CNIH3: variants seen among roughly 807,000 people sequenced by gnomAD.
CNIH3 encodes protein cornichon homolog 3.
CNIH3 carries 14 observed loss-of-function variants against 24.1 expected under a neutral mutation model. The ratio of observed to expected loss-of-function variants is 0.58; its 90% CI spans 0.38 to 0.91. CNIH3 has a LOEUF of 0.91. Ranked by LOEUF, CNIH3 falls within the 40% of genes least tolerant of loss-of-function variation. The pLI, the probability that CNIH3 is intolerant of heterozygous loss-of-function variation, is 0.00. For missense variants in CNIH3, 178 were observed against 196.8 expected (o/e 0.90, Z 0.57); for synonymous variants, 68 against 73.8 (o/e 0.92, Z 0.40).
chr1:224,732,554 G>A (rs980665297), intron 4 of CNIH3, among the ~76,000 whole-genome samples: 30 of 152,102 alleles, frequency 2.0e-4, no homozygotes, highest in Non-Finnish European at 3.4e-4. Flanking sequence ...TGCTCAGCTC[G>A]GACGTGGCAG....
downstream of CNIH3, among the ~76,000 whole-genome samples, chr1:224,590,272 A>G (rs1681696131): frequency 6.6e-6 from 1 of 152,144 alleles, no homozygotes; most frequent in South Asian, 2.1e-4. Flanking sequence ...CCCAAATTCC[A>G]CTATATGGCT....
intron 1 of CNIH3, among the ~76,000 whole-genome samples, chr1:224,639,006 T>C (rs1319111122): frequency 6.6e-6 from 1 of 152,240 alleles, no homozygotes; most frequent in Non-Finnish European, 1.5e-5. Context: ...TAAGGTGATA[T>C]GTATCTCTTG....
chr1:224,459,538 G>T (rs1200977925), intron 1 of CNIH3, among the ~76,000 whole-genome samples: 1 of 152,020 alleles, frequency 6.6e-6, no homozygotes, highest in Non-Finnish European at 1.5e-5. Flanking sequence ...TTAGAACTTT[G>T]TACACGGAAT....
chr1:224,684,990 G>C lies in CNIH3; in HGVS notation c.198+147G>C, dbSNP rs1028008908. On this transcript the variant is annotated intron_variant, in intron 3 of 5. Coordinates refer to ENST00000272133, the MANE Select transcript of CNIH3 (RefSeq NM_152495.2). The surrounding 1 kb of genome is among the most constrained non-coding windows in gnomAD (Gnocchi z 4.2). ...CAGGGAAAGGGGGAGGTGGGAGCAA[G>C]TGATCAGTTCTTTGGAAACCTCCAG... 29 of 774,318 alleles carry C rather than the reference G, an allele frequency of 3.7e-5. No homozygotes were observed. Among genetic ancestry groups the C allele is most frequent in the Non-Finnish European group, 5.9e-5 (26 of 437,416 alleles). The allele number at this position is 774,318 out of a possible 1,614,324, so 48.0% of individuals were successfully genotyped here. A position where few individuals can be genotyped will look rare whatever the true frequency, so the allele number is the denominator to read the frequency against.
rs1037629733 is a variant in CNIH3 at position 224,629,102 on chromosome 1, G to A, written c.81+11847G>A. Among the ~76,000 whole-genome samples the A allele has an allele frequency of 5.9e-5, 9 of 151,858 alleles. 1 individual carries two copies. The East Asian group carries it at 1.8e-3, about 30-fold the overall frequency. On this transcript the variant is annotated intron_variant, in intron 1 of 5. Coordinates refer to ENST00000272133, the MANE Select transcript of CNIH3 (RefSeq NM_152495.2). The stretch of plus-strand genomic sequence containing the variant: ...GCTCACTGCAACCTCTGCCTCCCGG[G>A]TTCAAGCAATTCTCCTGCCTCAGCC...
In CNIH3 at chr1:224,688,786, G is replaced by A. The variant is rs1363672945; in HGVS notation, c.198+3943G>A. Among the ~76,000 whole-genome samples, 7 of 151,868 alleles carry A rather than the reference G, an allele frequency of 4.6e-5. No homozygotes were observed. In the South Asian group the frequency reaches 6.2e-4, roughly 14 times the overall value. ...TGAAACCCCCACAAATTAGTCGGGC[G>A]TGGTGGTGGGCGCCTGTAATCCCAG... On this transcript the variant is annotated intron_variant, in intron 3 of 5. Transcript: ENST00000272133.
chr1:224,472,341 A>G (rs549275446), intron 1 of CNIH3, among the ~76,000 whole-genome samples: 4 of 152,360 alleles, frequency 2.6e-5, no homozygotes, highest in African/African-American at 7.2e-5. Context: ...ATGCATGTTT[A>G]TAGCAGCACA....
At chr1:224,457,522 T>C (rs974251318) in intron 1 of CNIH3, among the ~76,000 whole-genome samples, 1 of 150,046 alleles carries the variant, frequency 6.7e-6, no homozygotes, top group African/African-American at 2.5e-5. Flanking sequence ...TTTTTTTTTT[T>C]TTTTTTTTTT....
chr1:224,647,072 C>T (rs1042928992), intron 1 of CNIH3, among the ~76,000 whole-genome samples: 1 of 152,082 alleles, frequency 6.6e-6, no homozygotes, highest in African/African-American at 2.4e-5. Context: ...CTGCAACCTC[C>T]ACCTCCTGGG....
chr1:224,457,472 C>T (rs1158506315), intron 1 of CNIH3, among the ~76,000 whole-genome samples: 10 of 149,682 alleles, frequency 6.7e-5, no homozygotes. Flanking sequence ...CTCTAAAGAT[C>T]AAAGGGTACC....
intron 4 of CNIH3, 31 bp downstream of exon 4, chr1:224,730,605 G>A (rs1328422624): frequency 2.0e-5 from 28 of 1,379,032 alleles, no homozygotes; most frequent in Middle Eastern, 1.8e-4. Context: ...TATATCCTTC[G>A]TCTTTTCTGC....
chr1:224,720,890 C>T (rs1324342721), intron 3 of CNIH3, among the ~76,000 whole-genome samples: 1 of 152,150 alleles, frequency 6.6e-6, no homozygotes, highest in Non-Finnish European at 1.5e-5. Flanking sequence ...AAGTGATTGT[C>T]TCAAGCCCCT....
intron 1 of CNIH3, among the ~76,000 whole-genome samples, chr1:224,487,130 C>T (rs992166924): frequency 2.0e-5 from 3 of 152,158 alleles, no homozygotes; most frequent in Admixed American, 2.0e-4. Flanking sequence ...CAGCTCATTT[C>T]AAGGGGATTT....
chr1:224,694,785 C>T (rs938595679), intron 3 of CNIH3, among the ~76,000 whole-genome samples: 30 of 152,088 alleles, frequency 2.0e-4, no homozygotes, highest in Middle Eastern at 3.2e-3. Flanking sequence ...AAGGCCTTTG[C>T]GGCAACTTGG....
chr1:224,654,218 A>G (rs1246966687), intron 1 of CNIH3, among the ~76,000 whole-genome samples: 1 of 151,840 alleles, frequency 6.6e-6, no homozygotes, highest in African/African-American at 2.4e-5. Context: ...CCCTGTCTCT[A>G]CTAAAAATAC....
rs1020713660 is a variant in CNIH3, at chr1:224,734,800, G to A, written c.455+94G>A. The stretch of plus-strand genomic sequence containing the variant: ...TGGGAGGCGTCCTTTGGGAGATGGC[G>A]TGCGAGGGTGGGAGTCATGGCCATT... On this transcript the variant is annotated intron_variant, in intron 5 of 5. Coordinates refer to ENST00000272133, the MANE Select transcript of CNIH3 (RefSeq NM_152495.2). The A allele has an allele frequency of 2.7e-5, 37 of 1,352,462 alleles. 1 individual carries two copies. Among genetic ancestry groups the A allele is most frequent in the Middle Eastern group, 1.9e-4 (1 of 5,292 alleles). The allele number at this position is 1,352,462 out of a possible 1,614,324, so 83.8% of individuals were successfully genotyped here.
intron 4 of CNIH3, among the ~76,000 whole-genome samples, chr1:224,570,894 A>G (rs1192244408): frequency 6.6e-6 from 1 of 152,078 alleles, no homozygotes; most frequent in East Asian, 1.9e-4. Flanking sequence ...TCCAATAGAA[A>G]TAGGATCATA....
intron 3 of CNIH3, among the ~76,000 whole-genome samples, chr1:224,722,249 C>T (rs1240253021): frequency 1.3e-5 from 2 of 152,088 alleles, no homozygotes; most frequent in African/African-American, 2.4e-5. Flanking sequence ...GCTTTTCATA[C>T]CTTGGGTCTG....
intron 1 of CNIH3, among the ~76,000 whole-genome samples, chr1:224,645,130 A>T (rs1684540584): frequency 6.6e-6 from 1 of 152,200 alleles, no homozygotes. Context: ...AGAAATACAC[A>T]AGAGGGAGTC....
Sources: allele counts gnomAD v4.1 joint callset (sites outside exome capture counted in the v4.1 genomes callset), GRCh38; gene constraint gnomAD v4.1.1; non-coding constraint Gnocchi (gnomAD v3.1); transcripts MANE v1.5; gene names NCBI Gene and HGNC (gene_info 2026-07-23, HGNC 2026-07-21).